Variants in MAN1A1 observed in about 807,000 individuals in gnomAD.
MAN1A1 encodes the protein mannosidase alpha class 1A member 1.
A neutral mutation model predicts 70.8 loss-of-function variants in MAN1A1; 29 were observed. The observed-to-expected ratio is 0.41, with a 90% CI of 0.31 to 0.56. The LOEUF is 0.56. Ranked by LOEUF, MAN1A1 falls within the 20% of genes least tolerant of loss-of-function variation. The pLI is 0.29. For missense variants in MAN1A1, 747 were observed against 841.3 expected (o/e 0.89, Z 1.39); for synonymous variants, 349 against 330.1 (o/e 1.06, Z -0.62).
At chr6:119,215,255 T>C in intron 6 of MAN1A1, among the ~76,000 whole-genome samples, 1 of 152,108 alleles carries the variant, frequency 6.6e-6, no homozygotes, top group East Asian at 1.9e-4. Context: ...ATTTTATCTT[T>C]AAGGAAAAGG....
At chr6:119,309,254 G>C (rs1242425534) in intron 2 of MAN1A1, among the ~76,000 whole-genome samples, 1 of 152,222 alleles carries the variant, frequency 6.6e-6, no homozygotes, top group Admixed American at 6.5e-5. Context: ...CATTGTGTGA[G>C]TGTGTGTGTA....
intron 2 of MAN1A1, among the ~76,000 whole-genome samples, chr6:119,342,157 T>C (rs762073468): frequency 6.6e-6 from 1 of 152,202 alleles, no homozygotes; most frequent in Non-Finnish European, 1.5e-5. Flanking sequence ...TTTTTTGGAA[T>C]TTGGTAAAAA....
At chr6:119,270,088 T>G (rs1775875585) in intron 5 of MAN1A1, among the ~76,000 whole-genome samples, 1 of 152,230 alleles carries the variant, frequency 6.6e-6, no homozygotes, top group African/African-American at 2.4e-5. Flanking sequence ...TCCTTTGACC[T>G]TACTCTAGCA....
At chr6:119,216,854 G>A (rs535035504) in intron 6 of MAN1A1, among the ~76,000 whole-genome samples, 1 of 152,286 alleles carries the variant, frequency 6.6e-6, no homozygotes, top group Admixed American at 6.5e-5. Context: ...ACATGTTGTT[G>A]TATACTGTGT....
At chr6:119,283,249 A>T (rs867592938) in intron 5 of MAN1A1, among the ~76,000 whole-genome samples, 1 of 152,160 alleles carries the variant, frequency 6.6e-6, no homozygotes, top group Non-Finnish European at 1.5e-5. Flanking sequence ...TATTTATATT[A>T]TCCATGTACA....
chr6:119,285,042 A>G (rs763341424), intron 5 of MAN1A1, among the ~76,000 whole-genome samples: 3 of 134,970 alleles, frequency 2.2e-5, no homozygotes, highest in Non-Finnish European at 5.0e-5. Context: ...CCCTCAGGAA[A>G]CTTACAATCA....
chr6:119,268,672 G>A (rs939060430), intron 5 of MAN1A1, among the ~76,000 whole-genome samples: 3 of 151,848 alleles, frequency 2.0e-5, no homozygotes, highest in Non-Finnish European at 4.4e-5. Flanking sequence ...CTGCAGCCTT[G>A]ACCTCCCGGG....
Position 119,306,927 on chromosome 6 carries a change from T to A in MAN1A1, c.669A>T (p.Ile223=), listed in dbSNP as rs1266872344. ...AACTGCTTGAATGGCCTCCTTTTGATATAGGTTTGAGTTCATTTAATCCCC... is the reference window on the plus strand; with the variant it reads ...AACTGCTTGAATGGCCTCCTTTTGAAATAGGTTTGAGTTCATTTAATCCCC... ...YAWGLNELKP[I]SKGGHSSSLF... Residue 223 remains isoleucine, a synonymous_variant, in exon 3 of 13, where the codon ATA becomes ATT. Transcript: ENST00000368468. The A allele has an allele frequency of 6.3e-7, 1 of 1,599,498 alleles. No individual in the cohort carries two copies. Among genetic ancestry groups the A allele is most frequent in the African/African-American group, 1.3e-5 (1 of 74,540 alleles).
intron 5 of MAN1A1, among the ~76,000 whole-genome samples, chr6:119,273,746 T>G (rs1775984697): frequency 6.6e-6 from 1 of 152,190 alleles, no homozygotes; most frequent in Non-Finnish European, 1.5e-5. Context: ...AGTAAATTTT[T>G]GCCCCACTCT....
chr6:119,316,281 G>A (rs1160794845), intron 2 of MAN1A1, among the ~76,000 whole-genome samples: 3 of 149,572 alleles, frequency 2.0e-5, no homozygotes, highest in South Asian at 2.1e-4. Context: ...GCGTTCAAGC[G>A]ATTGTCCTGC....
intron 5 of MAN1A1, among the ~76,000 whole-genome samples, chr6:119,268,857 A>T (rs1278255324): frequency 6.6e-6 from 1 of 152,186 alleles, no homozygotes; most frequent in Non-Finnish European, 1.5e-5. Context: ...CTCGGATTAC[A>T]GGTGTAAGCC....
intron 8 of MAN1A1, 78 bp downstream of exon 8, chr6:119,201,176 G>C: frequency 5.8e-6 from 6 of 1,035,946 alleles, no homozygotes; most frequent in Non-Finnish European, 9.0e-6. Flanking sequence ...AACAAAATCT[G>C]TGCTGCTTTT....
rs151337266 is a variant in MAN1A1, at chr6:119,342,508, A to G, written c.603+5955T>C. ...TACTATTAACCTCATTTTACAAATG[A>G]GGAAACTAAAGTTCTGAGAGATTAA... On this transcript the variant is annotated intron_variant, in intron 2 of 12. Coordinates refer to ENST00000368468, the MANE Select transcript of MAN1A1 (RefSeq NM_005907.4). 2.6e-5 allele frequency among the ~76,000 whole-genome samples: 4 copies of G among 152,354 alleles called. No homozygotes were observed. In the East Asian group the frequency reaches 7.7e-4, roughly 29 times the overall value.
At chr6:119,342,179 CAG>C (rs1340191902) in intron 2 of MAN1A1, among the ~76,000 whole-genome samples, 1 of 152,100 alleles carries the variant, frequency 6.6e-6, no homozygotes, top group Non-Finnish European at 1.5e-5. Context: ...CAAAGAAAAT[CAG>C]AGTTGACCGT....
At chr6:119,226,379 G>A (rs1004978169) in intron 6 of MAN1A1, among the ~76,000 whole-genome samples, 2 of 152,132 alleles carry the variant, frequency 1.3e-5, no homozygotes, top group Admixed American at 6.5e-5. Context: ...TGTTACAGCC[G>A]AGGGAACCCT....
chr6:119,232,796 G>C (rs770861551), intron 6 of MAN1A1, among the ~76,000 whole-genome samples: 19 of 151,230 alleles, frequency 1.3e-4, no homozygotes, highest in Admixed American at 4.6e-4. Context: ...GCTGCCTATA[G>C]CTTCTAAATT....
At chr6:119,208,256 TC>T (rs1195050132) in intron 6 of MAN1A1, among the ~76,000 whole-genome samples, 7 of 152,332 alleles carry the variant, frequency 4.6e-5, no homozygotes, top group Admixed American at 6.5e-5. Flanking sequence ...ATTATTTATT[TC>T]TGTTTCTTCC....
chr6:119,322,383 G>A (rs896205091), intron 2 of MAN1A1, among the ~76,000 whole-genome samples: 71 of 152,016 alleles, frequency 4.7e-4, no homozygotes, highest in Non-Finnish European at 2.1e-4. Context: ...GATATGCCTT[G>A]CCAGTATTCT....
intron 6 of MAN1A1, among the ~76,000 whole-genome samples, chr6:119,220,533 C>T (rs939873369): frequency 2.0e-5 from 3 of 152,106 alleles, no homozygotes; most frequent in Non-Finnish European, 2.9e-5. Flanking sequence ...AATAAACAGG[C>T]ACCTTCTTTA....
Sources: gnomAD v4.1 joint callset for allele counts (sites outside exome capture counted in the v4.1 genomes callset) on GRCh38, gnomAD v4.1.1 for gene constraint, MANE v1.5 for transcripts, NCBI Gene and HGNC (gene_info 2026-07-23, HGNC 2026-07-21) for gene names.